The following DNA2 variants were observed in gnomAD, a reference collection of about 807,000 sequenced individuals.
DNA2 encodes DNA replication ATP-dependent helicase/nuclease DNA2.
Under a neutral mutation model 119.1 loss-of-function variants are expected in DNA2, and 101 were observed. That is an observed-to-expected ratio of 0.85 (90% CI 0.72 to 1.00). The LOEUF (loss-of-function observed/expected upper bound fraction) is 1.00. Among genes scored for constraint, DNA2 ranks in the 50% least tolerant of loss-of-function variants. The probability of loss-of-function intolerance (pLI) is 0.00; values close to 1 mark genes in which losing one functional copy is unlikely to be tolerated. For missense variants in DNA2, 1,121 were observed against 1,255.5 expected (o/e 0.89, Z 1.62); for synonymous variants, 366 against 424.4 (o/e 0.86, Z 1.69).
intron 5 of DNA2, among the ~76,000 whole-genome samples, chr10:68,458,195 T>C (rs1158581502): frequency 6.7e-6 from 1 of 149,554 alleles, no homozygotes; most frequent in African/African-American, 2.5e-5. Context: ...AATCAAATGA[T>C]AAAAATTAGG....
chr10:68,433,287 G>A (rs2051845302), intron 10 of DNA2, among the ~76,000 whole-genome samples: 1 of 152,040 alleles, frequency 6.6e-6, no homozygotes, highest in Non-Finnish European at 1.5e-5. Flanking sequence ...CCAAATGCCA[G>A]CCACTTTTAC....
chr10:68,416,961 A>C, intron 19 of DNA2, 106 bp from the exon 20 acceptor site: 1 of 1,000,410 alleles, frequency 1.0e-6, no homozygotes, highest in South Asian at 1.8e-5. Flanking sequence ...GAATAGAATG[A>C]GGCCAGGTGT....
At chr10:68,441,317 G>C (rs61855129) in intron 9 of DNA2, among the ~76,000 whole-genome samples, 5,519 of 140,804 alleles carry the variant, frequency 0.039, 153 homozygotes, top group Middle Eastern at 0.081. Context: ...CAGGGCAGCA[G>C]AGTGTGACCC....
intron 14 of DNA2, among the ~76,000 whole-genome samples, chr10:68,429,083 CAG>C (rs755399077): frequency 2.2e-4 from 34 of 152,002 alleles, no homozygotes; most frequent in Admixed American, 5.3e-4. Context: ...TTATCAATAA[CAG>C]GGACAGATAT....
At chr10:68,467,573 CAG>C (rs760021957) in intron 3 of DNA2, among the ~76,000 whole-genome samples, 21 of 152,112 alleles carry the variant, frequency 1.4e-4, no homozygotes, top group Non-Finnish European at 2.2e-4. Context: ...TGTTTTGACA[CAG>C]AGTCTTGCTC....
At chr10:68,446,816 TAGA>T (rs1416161065) in intron 6 of DNA2, among the ~76,000 whole-genome samples, 1 of 151,642 alleles carries the variant, frequency 6.6e-6, no homozygotes, top group African/African-American at 2.4e-5. Context: ...AGACAGATAG[TAGA>T]AGGTTGGTTA....
chr10:68,438,907 C>T (rs1382686967), intron 9 of DNA2, among the ~76,000 whole-genome samples: 1 of 151,138 alleles, frequency 6.6e-6, no homozygotes, highest in Admixed American at 6.6e-5. Flanking sequence ...GTGGCAAGCA[C>T]CTGTAATCCC....
intron 6 of DNA2, among the ~76,000 whole-genome samples, 164 bp downstream of exon 6, chr10:68,449,864 G>T (rs1180187357): frequency 6.6e-6 from 1 of 151,206 alleles, no homozygotes; most frequent in Non-Finnish European, 1.5e-5. Context: ...AATGAGCTGA[G>T]ATCACACCAT....
chr10:68,457,611 T>C (rs1437171939), intron 5 of DNA2, among the ~76,000 whole-genome samples: 1 of 152,202 alleles, frequency 6.6e-6, no homozygotes, highest in East Asian at 1.9e-4. Flanking sequence ...TGTTTTGTTT[T>C]TTGCTACCAT....
At chr10:68,415,778 T>C (rs1162014954) in intron 20 of DNA2, among the ~76,000 whole-genome samples, 2 of 152,110 alleles carry the variant, frequency 1.3e-5, no homozygotes, top group East Asian at 1.9e-4. Context: ...CTCAGCATCA[T>C]GAGTAGCTGG....
intron 18 of DNA2, 61 bp downstream of exon 18, chr10:68,419,740 TAC>T: frequency 8.1e-7 from 1 of 1,240,044 alleles, no homozygotes; most frequent in Non-Finnish European, 1.2e-6. Context: ...GTAAGTGTCT[TAC>T]AGTCTAACAT....
At chr10:68,418,144 T>G (rs192725498) in intron 19 of DNA2, among the ~76,000 whole-genome samples, 65 of 152,356 alleles carry the variant, frequency 4.3e-4, no homozygotes, top group Middle Eastern at 3.4e-3. Flanking sequence ...CTGGGCACAG[T>G]GGCTCACGCC....
chr10:68,453,415 C>T (rs2052144682), intron 5 of DNA2, among the ~76,000 whole-genome samples: 1 of 151,878 alleles, frequency 6.6e-6, no homozygotes, highest in African/African-American at 2.4e-5. Flanking sequence ...AGTTGCGGAA[C>T]ATCGTTTCTA....
At chr10:68,469,390 C>CA (rs71019005) in intron 2 of DNA2, among the ~76,000 whole-genome samples, 4,899 of 75,956 alleles carry the variant, frequency 0.064, 196 homozygotes, top group South Asian at 0.21. Flanking sequence ...ACTAAAAATA[C>CA]AAAAAAAAAA....
chr10:68,425,293 A>G (rs1354469705), intron 14 of DNA2, among the ~76,000 whole-genome samples: 1 of 151,042 alleles, frequency 6.6e-6, no homozygotes, highest in East Asian at 1.9e-4. Flanking sequence ...GCAGGGTTTC[A>G]CTATGTTGGC....
At chr10:68,442,777 C>G in intron 9 of DNA2, 140 bp downstream of exon 9, 1 of 669,396 alleles carries the variant, frequency 1.5e-6, no homozygotes, top group East Asian at 2.8e-5. Flanking sequence ...CAATAGAGAG[C>G]CATCTGCAGT....
intron 2 of DNA2, 121 bp from the exon 3 acceptor site, chr10:68,468,427 A>C: frequency 1.5e-6 from 1 of 675,834 alleles, no homozygotes; most frequent in Non-Finnish European, 2.2e-6. Context: ...AATATTTCTA[A>C]ATTTCTGGGT....
At chr10:68,423,990 A>C (rs1252125516) in intron 14 of DNA2, among the ~76,000 whole-genome samples, 3 of 152,228 alleles carry the variant, frequency 2.0e-5, no homozygotes, top group Non-Finnish European at 2.9e-5. Context: ...ATTAAAGACG[A>C]ACCAGGAAAA....
intron 4 of DNA2, among the ~76,000 whole-genome samples, chr10:68,460,598 G>C (rs951226128): frequency 1.4e-4 from 22 of 151,882 alleles, no homozygotes; most frequent in African/African-American, 4.6e-4. Context: ...AGTAAAGACG[G>C]GGTTTCACCA....
Sources: allele counts gnomAD v4.1 joint callset (sites outside exome capture counted in the v4.1 genomes callset), GRCh38; gene constraint gnomAD v4.1.1; transcripts MANE v1.5; gene names NCBI Gene and HGNC (gene_info 2026-07-23, HGNC 2026-07-21).